The following SH3RF3 variants were observed in gnomAD, a reference collection of about 807,000 sequenced individuals.
SH3RF3 encodes the protein E3 ubiquitin-protein ligase SH3RF3.
Under a neutral mutation model 66.3 loss-of-function variants are expected in SH3RF3, and 29 were observed. That is an observed-to-expected ratio of 0.44 (90% confidence interval 0.33 to 0.60). SH3RF3 has a LOEUF of 0.60. Ranked by LOEUF, SH3RF3 falls within the 20% of genes least tolerant of loss-of-function variation. The pLI, the probability that SH3RF3 is intolerant of heterozygous loss-of-function variation, is 0.04. For synonymous variants in SH3RF3, 583 were observed against 532.0 expected, an observed-to-expected ratio of 1.10 and a Z score of -1.32; for missense variants, 1,194 against 1,190.9, an observed-to-expected ratio of 1.00 and a Z score of -0.04.
chr2:109,132,466 G>T (rs1676721995), intron 1 of SH3RF3, among the ~76,000 whole-genome samples: 2 of 152,172 alleles, frequency 1.3e-5, no homozygotes, highest in African/African-American at 4.8e-5. Context: ...CCCTGACGTG[G>T]TTAGCAGAAC....
intron 1 of SH3RF3, among the ~76,000 whole-genome samples, chr2:109,210,575 A>G (rs1426339822): frequency 6.6e-6 from 1 of 152,200 alleles, no homozygotes; most frequent in South Asian, 2.1e-4. Context: ...TGGCCTAAGC[A>G]GGTGGCTCTG....
chr2:109,223,270 G>A (rs1420003639), intron 1 of SH3RF3, among the ~76,000 whole-genome samples: 1 of 152,296 alleles, frequency 6.6e-6, no homozygotes, highest in Non-Finnish European at 1.5e-5. Context: ...CAGATCCAGA[G>A]CCCTCAGAGG....
intron 3 of SH3RF3, among the ~76,000 whole-genome samples, chr2:109,392,544 C>G (rs1466571586): frequency 6.6e-6 from 1 of 151,988 alleles, no homozygotes; most frequent in Non-Finnish European, 1.5e-5. Flanking sequence ...GAGTCTCGCA[C>G]TGTTGCCCAG....
intron 1 of SH3RF3, among the ~76,000 whole-genome samples, chr2:109,177,220 G>A (rs141933744): frequency 1.3e-3 from 200 of 152,290 alleles, no homozygotes; most frequent in Middle Eastern, 3.4e-3. Context: ...AACCAGGGAC[G>A]ATGATAGCTC....
chr2:109,397,823 T>C (rs1275685418), intron 3 of SH3RF3, among the ~76,000 whole-genome samples: 2 of 152,208 alleles, frequency 1.3e-5, no homozygotes, highest in African/African-American at 4.8e-5. Context: ...CTCATGGACT[T>C]GAACCTTCAT....
intron 1 of SH3RF3, among the ~76,000 whole-genome samples, chr2:109,195,738 T>C (rs1056738146): frequency 6.6e-6 from 1 of 152,244 alleles, no homozygotes; most frequent in Non-Finnish European, 1.5e-5. Flanking sequence ...CCTGGACTTC[T>C]GATAAGGCGT....
chr2:109,356,338 T>A (rs530555682), intron 2 of SH3RF3, among the ~76,000 whole-genome samples: 2 of 152,288 alleles, frequency 1.3e-5, no homozygotes, highest in South Asian at 2.1e-4. Flanking sequence ...CCAGAAGAGA[T>A]GCCTGCTGCC....
chr2:109,454,713 A>G (rs759007430), intron 8 of SH3RF3, among the ~76,000 whole-genome samples: 1 of 152,198 alleles, frequency 6.6e-6, no homozygotes, highest in Non-Finnish European at 1.5e-5. Flanking sequence ...CATGGTGAGC[A>G]TACAGTAGGG....
At chr2:109,475,521 A>G (rs988014375) in intron 8 of SH3RF3, among the ~76,000 whole-genome samples, 7 of 152,172 alleles carry the variant, frequency 4.6e-5, no homozygotes. Flanking sequence ...TCTGCCTCAT[A>G]CAGTTGGCTG....
At chr2:109,206,739 C>T (rs1678850504) in intron 1 of SH3RF3, among the ~76,000 whole-genome samples, 1 of 152,002 alleles carries the variant, frequency 6.6e-6, no homozygotes. Flanking sequence ...TTGCTTAAGC[C>T]CAGGAGTTCA....
At chr2:109,228,066 A>T (rs562129698) in intron 1 of SH3RF3, among the ~76,000 whole-genome samples, 1 of 152,250 alleles carries the variant, frequency 6.6e-6, no homozygotes, top group East Asian at 1.9e-4. Context: ...CACAGGTACG[A>T]GTGTCTGGTT....
chr2:109,211,395 G>A (rs2105108165), intron 1 of SH3RF3, among the ~76,000 whole-genome samples: 1 of 152,358 alleles, frequency 6.6e-6, no homozygotes, highest in Non-Finnish European at 1.5e-5. Context: ...ATCAGGAGGT[G>A]TTATAAACAG....
intron 1 of SH3RF3, among the ~76,000 whole-genome samples, chr2:109,189,388 T>C (rs942220696): frequency 5.1e-4 from 77 of 152,038 alleles, no homozygotes; most frequent in African/African-American, 1.8e-3. Context: ...TTTTCTTTTT[T>C]TTGAGACGGA....
intron 1 of SH3RF3, among the ~76,000 whole-genome samples, chr2:109,172,243 T>A (rs1021549966): frequency 2.0e-5 from 3 of 152,200 alleles, no homozygotes; most frequent in Admixed American, 2.0e-4. Flanking sequence ...GTCTGAAGTA[T>A]CAGCCGCCAC....
At chr2:109,430,020 T>TACCA (rs1677149705) in intron 5 of SH3RF3, among the ~76,000 whole-genome samples, 1 of 152,276 alleles carries the variant, frequency 6.6e-6, no homozygotes, top group African/African-American at 2.4e-5. Context: ...GCACCTTGCC[T>TACCA]ACCAGCCCAG....
intron 1 of SH3RF3, among the ~76,000 whole-genome samples, chr2:109,325,323 CTTTCTTTCTTTTTTT>C (rs1682126684): frequency 8.4e-6 from 1 of 119,202 alleles, no homozygotes; most frequent in African/African-American, 3.2e-5. Context: ...TTCTTTCTTT[CTTTCTTTCTTTTTTT>C]TTTTTTTTTT....
intron 2 of SH3RF3, among the ~76,000 whole-genome samples, chr2:109,351,328 G>A: frequency 6.6e-6 from 1 of 152,230 alleles, no homozygotes; most frequent in East Asian, 1.9e-4. Context: ...TTCTGGGCCA[G>A]GAGCACCTCG....
At chr2:109,456,721 A>G (rs1678069335) in intron 8 of SH3RF3, among the ~76,000 whole-genome samples, 1 of 152,342 alleles carries the variant, frequency 6.6e-6, no homozygotes, top group Middle Eastern at 3.4e-3. Flanking sequence ...CTTTCAGGGT[A>G]CAAATGTGGA....
In SH3RF3 at chr2:109,253,146, G is replaced by A. The variant is rs192846400; in HGVS notation, c.574-94528G>A. Reference sequence around the variant, plus strand: ...GAGTTCAAGTGATTCTCCTGCCTCAGCCTTCTGAGTAGCTGGGATTACAGC... The same window carrying A: ...GAGTTCAAGTGATTCTCCTGCCTCAACCTTCTGAGTAGCTGGGATTACAGC... On this transcript the variant is annotated intron_variant, in intron 1 of 9. Transcript: ENST00000309415. 5.9e-5 allele frequency among the ~76,000 whole-genome samples: 9 copies of A among 152,140 alleles called. No individual in the cohort carries two copies. The East Asian group carries it at 1.5e-3, about 26-fold the overall frequency.
Sources: allele counts gnomAD v4.1 joint callset (sites outside exome capture counted in the v4.1 genomes callset), GRCh38; gene constraint gnomAD v4.1.1; transcripts MANE v1.5; gene names NCBI Gene and HGNC (gene_info 2026-07-23, HGNC 2026-07-21).